The following RMDN2 variants were observed in gnomAD, a reference collection of about 807,000 sequenced individuals.
RMDN2 encodes the protein regulator of microtubule dynamics 2.
RMDN2 carries 61 observed loss-of-function variants against 52.8 expected under a neutral mutation model. The ratio of observed to expected loss-of-function variants is 1.16; its 90% CI spans 0.94 to 1.43. The LOEUF (loss-of-function observed/expected upper bound fraction) is 1.43, where lower values mean the gene tolerates loss of function less well. Ranked by LOEUF, RMDN2 falls within the 40% of genes most tolerant of loss-of-function variation. RMDN2 has a pLI of 0.00. For missense variants in RMDN2, 592 were observed against 475.3 expected (o/e 1.25, Z -2.28); for synonymous variants, 180 against 153.1 (o/e 1.18, Z -1.30).
upstream of RMDN2, among the ~76,000 whole-genome samples, chr2:37,924,030 G>A (rs1449352764): frequency 6.6e-6 from 1 of 152,152 alleles, no homozygotes; most frequent in Non-Finnish European, 1.5e-5. Context: ...GCTTACAGTC[G>A]TGAGCCACTG....
intron 10 of RMDN2, chr2:38,012,751 T>A: frequency 3.0e-6 from 1 of 329,692 alleles, no homozygotes; most frequent in South Asian, 2.7e-5. Flanking sequence ...CAGATTGAAA[T>A]ATACCCCATT....
chr2:38,032,284 C>G (rs1007639288), intron 10 of RMDN2, among the ~76,000 whole-genome samples: 1 of 152,152 alleles, frequency 6.6e-6, no homozygotes, highest in Non-Finnish European at 1.5e-5. Flanking sequence ...CCTCAGGCAA[C>G]CACACATCTG....
rs895627452 is a variant in RMDN2 at position 37,927,926 on chromosome 2, G to T, written c.-16-1336G>T. Among the ~76,000 whole-genome samples, 7 of 151,932 alleles carry T rather than the reference G, an allele frequency of 4.6e-5. No individual in the cohort carries two copies. The East Asian group carries it at 1.3e-3, about 29-fold the overall frequency. Reference sequence around the variant, plus strand: ...CTCCTGGATGAGCTGGGAGTGGGCAGATGGTTATAGTTCCCAGTTATACCA... The same window carrying T: ...CTCCTGGATGAGCTGGGAGTGGGCATATGGTTATAGTTCCCAGTTATACCA... On this transcript the variant is annotated intron_variant, in intron 1 of 10. Transcript: ENST00000354545.
intron 10 of RMDN2, among the ~76,000 whole-genome samples, chr2:38,015,119 C>A (rs1197548275): frequency 8.5e-5 from 13 of 152,132 alleles, no homozygotes; most frequent in Non-Finnish European, 1.9e-4. Context: ...CTCTGAGCTC[C>A]CGAATGTGGT....
chr2:37,999,921 C>G (rs983686056), intron 8 of RMDN2, among the ~76,000 whole-genome samples: 1 of 152,062 alleles, frequency 6.6e-6, no homozygotes, highest in African/African-American at 2.4e-5. Context: ...AGTTCTCCCA[C>G]TCTCAAATTC....
intron 7 of RMDN2, among the ~76,000 whole-genome samples, chr2:37,995,906 G>A (rs1316691956): frequency 2.0e-5 from 3 of 152,160 alleles, no homozygotes; most frequent in Non-Finnish European, 2.9e-5. Context: ...TAAAATCTCA[G>A]TATGAGGTGT....
At chr2:38,022,790 T>C (rs1211069130) in intron 10 of RMDN2, among the ~76,000 whole-genome samples, 1 of 152,220 alleles carries the variant, frequency 6.6e-6, no homozygotes, top group Admixed American at 6.5e-5. Flanking sequence ...TTTTATACTT[T>C]TCGATTTCAA....
chr2:38,051,442 A>C (rs941459018), intron 10 of RMDN2, among the ~76,000 whole-genome samples: 1 of 152,208 alleles, frequency 6.6e-6, no homozygotes, highest in African/African-American at 2.4e-5. Context: ...TATGGGGTAC[A>C]TGTGATATTC....
At chr2:38,064,537 T>C (rs907362521) in intron 10 of RMDN2, among the ~76,000 whole-genome samples, 2 of 151,840 alleles carry the variant, frequency 1.3e-5, no homozygotes, top group Admixed American at 6.6e-5. Flanking sequence ...AGAGTACCAA[T>C]TGAAAACTGA....
At chr2:38,033,077 T>G (rs1410970103) in intron 10 of RMDN2, 1 of 152,220 alleles carries the variant, frequency 6.6e-6, no homozygotes, top group Non-Finnish European at 1.5e-5. Context: ...TGGCCAGTCT[T>G]AATCTTTAAT....
chr2:37,969,344 A>G (rs148799221), intron 2 of RMDN2, among the ~76,000 whole-genome samples: 82 of 151,956 alleles, frequency 5.4e-4, no homozygotes, highest in African/African-American at 1.8e-3. Context: ...GTATCCATGA[A>G]TATATTGTTT....
rs376118408 is a variant in RMDN2, at chr2:37,929,461, C to T, written c.184C>T (p.Gln62Ter). 2 of 1,551,436 alleles carry T rather than the reference C, an allele frequency of 1.3e-6. No homozygotes were observed. The highest frequency in any genetic ancestry group is 1.7e-6 in the Non-Finnish European group (2 of 1,146,838). ...ITLQDEIHDD[Q>*]GTTVIFQERQ... The stretch of plus-strand genomic sequence containing the variant: ...TTTGCAAGATGAAATACATGATGAC[C>T]AAGGAACAACAGTAATCTTTCAAGA... Residue 62 changes from glutamine (Q) to a stop codon, truncating the protein, a stop_gained, in exon 2 of 11, where the codon CAA (glutamine) becomes TAA (stop). Coordinates refer to ENST00000354545, the MANE Select transcript of RMDN2 (RefSeq NM_001170791.3). LOFTEE classifies it high-confidence loss of function.
At position 38,017,515 on chromosome 2, in the gene RMDN2, T is replaced by G. The variant is rs1678968545; in HGVS notation, c.*276T>G. On this transcript the variant is annotated 3_prime_UTR_variant, in exon 11 of 11. Coordinates refer to ENST00000354545, the MANE Select transcript of RMDN2 (RefSeq NM_001170791.3). ...AAACTGCAGCCTTAAGAATATTTCTTTAAATAAAATATTTAAATCCAATAA... is the reference window on the plus strand; with the variant it reads ...AAACTGCAGCCTTAAGAATATTTCTGTAAATAAAATATTTAAATCCAATAA... 1.8e-6 allele frequency: 2 copies of G among 1,111,476 alleles called. No individual in the cohort carries two copies. Among genetic ancestry groups the G allele is most frequent in the African/African-American group, 1.6e-5 (1 of 61,342 alleles). The allele number at this position is 1,111,476 out of a possible 1,614,324, so 68.9% of individuals were successfully genotyped here.
At chr2:37,974,261 TA>T in intron 3 of RMDN2, 47 bp downstream of exon 3, 2 of 1,209,034 alleles carry the variant, frequency 1.7e-6, no homozygotes, top group Non-Finnish European at 1.1e-6. Context: ...TTTTTTAATT[TA>T]ATCTGCCATC....
chr2:37,950,318 A>G (rs1668617815), intron 2 of RMDN2: 4 of 775,110 alleles, frequency 5.2e-6, no homozygotes, highest in Admixed American at 5.2e-5. Flanking sequence ...GACTCCTCCA[A>G]CAGTGAAGGT....
chr2:37,967,352 G>C (rs1671194971), intron 2 of RMDN2, among the ~76,000 whole-genome samples: 1 of 152,146 alleles, frequency 6.6e-6, no homozygotes, highest in South Asian at 2.1e-4. Context: ...TTAACAAGTG[G>C]GATGAAGATC....
intron 2 of RMDN2, among the ~76,000 whole-genome samples, chr2:37,936,300 G>A (rs531218769): frequency 1.1e-3 from 169 of 152,206 alleles, no homozygotes; most frequent in African/African-American, 3.8e-3. Context: ...GTCTATAATT[G>A]ATGGACGGTT....
At chr2:37,943,291 T>C (rs1478649698) in intron 2 of RMDN2, among the ~76,000 whole-genome samples, 1 of 152,036 alleles carries the variant, frequency 6.6e-6, no homozygotes, top group Non-Finnish European at 1.5e-5. Flanking sequence ...AGAAGACAGA[T>C]GACTGGTCAA....
chr2:38,039,938 T>C (rs1291022713), intron 10 of RMDN2, among the ~76,000 whole-genome samples: 1 of 152,128 alleles, frequency 6.6e-6, no homozygotes, highest in Non-Finnish European at 1.5e-5. Flanking sequence ...CCTCTTTGGT[T>C]TTCTCCTGTT....
Sources: gnomAD v4.1 joint callset for allele counts (sites outside exome capture counted in the v4.1 genomes callset) on GRCh38, gnomAD v4.1.1 for gene constraint, MANE v1.5 for transcripts, NCBI Gene and HGNC (gene_info 2026-07-23, HGNC 2026-07-21) for gene names.